RMRP: variants seen among roughly 807,000 people sequenced by gnomAD.
RMRP encodes the protein RNA component of mitochondrial RNA processing endoribonuclease, also known as RNase MRP RNA.
rs552002151 is a variant in RMRP at position 35,658,013 on chromosome 9, C to G, written n.5G>C. 2 of 691,520 alleles carry G rather than the reference C, an allele frequency of 2.9e-6. No homozygotes were observed. Among genetic ancestry groups the G allele is most frequent in the South Asian group, 1.5e-5 (1 of 67,226 alleles). 42.8% of individuals were successfully genotyped at this position (691,520 alleles called of 1,614,324 possible). On this transcript the variant is annotated non_coding_transcript_exon_variant, in exon 1 of 1. Transcript: ENST00000363046. ...TAGCCTAGGATACAGGCCTTCAGCA[C>G]GAACCACGTCCTCAGCTTCACAGAG...
rs1278840803 is a variant in RMRP, at chr9:35,657,867, C to T, written n.151G>A. 2 of 700,348 alleles carry T rather than the reference C, an allele frequency of 2.9e-6. No individual in the cohort carries two copies. Among genetic ancestry groups the T allele is most frequent in the Admixed American group, 2.0e-5 (1 of 49,988 alleles). 43.4% of individuals were successfully genotyped at this position (700,348 alleles called of 1,614,324 possible). ...CCACGCCGCTCAGCGGGATACGCTT[C>T]TTGGCGGACTTTGGAGTGGGAAGCG... On this transcript the variant is annotated non_coding_transcript_exon_variant, in exon 1 of 1. Coordinates refer to ENST00000363046, the Ensembl canonical transcript of RMRP.
rs780392182 is a variant in RMRP at position 35,657,986 on chromosome 9, T to C, written n.32A>G. 13 of 700,268 alleles carry C rather than the reference T, an allele frequency of 1.9e-5. No individual in the cohort carries two copies. The highest frequency in any genetic ancestry group is 1.2e-4 in the South Asian group (8 of 67,514). 43.4% of individuals were successfully genotyped at this position (700,268 alleles called of 1,614,324 possible). A position where few individuals can be genotyped will look rare whatever the true frequency, so the allele number is the denominator to read the frequency against. On this transcript the variant is annotated non_coding_transcript_exon_variant, in exon 1 of 1. Coordinates refer to ENST00000363046, the Ensembl canonical transcript of RMRP. ...AAGGGGAGGAACAGAGTCCTCAGTG[T>C]GTAGCCTAGGATACAGGCCTTCAGC...
exon 1 of RMRP, chr9:35,657,895 G>A (rs758130879): frequency 1.1e-5 from 8 of 697,740 alleles, no homozygotes; most frequent in South Asian, 4.4e-5. Flanking sequence ...GGGAAGCGGG[G>A]AATGTCTACG....
rs991322091 is a variant in RMRP at position 35,657,934 on chromosome 9, A to C, written n.84T>G. ...GTATGCACGTGGCACTCTCTGCCCG[A>C]GGTCCGGGGACTTTCCCCTAGGCGG... On this transcript the variant is annotated non_coding_transcript_exon_variant, in exon 1 of 1. Transcript: ENST00000363046. 4.4e-5 allele frequency: 31 copies of C among 700,436 alleles called. No homozygotes were observed. Among genetic ancestry groups the C allele is most frequent in the Non-Finnish European group, 7.5e-5 (29 of 384,808 alleles). The allele number at this position is 700,436 out of a possible 1,614,324, so 43.4% of individuals were successfully genotyped here. A position where few individuals can be genotyped will look rare whatever the true frequency, so the allele number is the denominator to read the frequency against.
Position 35,657,903 on chromosome 9 carries a change from A to G in RMRP, n.115T>C, listed in dbSNP as rs1437035543. ...TTGGAGTGGGAAGCGGGGAATGTCT[A>G]CGTGCGTATGCACGTGGCACTCTCT... On this transcript the variant is annotated non_coding_transcript_exon_variant, in exon 1 of 1. Transcript: ENST00000363046. 8.6e-6 allele frequency: 6 copies of G among 698,918 alleles called. No homozygotes were observed. Among genetic ancestry groups the G allele is most frequent in the South Asian group, 3.0e-5 (2 of 67,512 alleles). 43.3% of individuals were successfully genotyped at this position (698,918 alleles called of 1,614,324 possible).
At chr9:35,658,001 A>C in exon 1 of RMRP, 2 of 696,692 alleles carry the variant, frequency 2.9e-6, no homozygotes, top group South Asian at 1.5e-5. Context: ...CCTAGGATAC[A>C]GGCCTTCAGC....
Position 35,657,963 on chromosome 9 carries a change from G to T in RMRP, n.55C>A, listed in dbSNP as rs999349961. The T allele has an allele frequency of 8.6e-6, 6 of 700,170 alleles. No homozygotes were observed. The highest frequency in any genetic ancestry group is 1.3e-5 in the Non-Finnish European group (5 of 384,822). 43.4% of individuals were successfully genotyped at this position (700,170 alleles called of 1,614,324 possible). On this transcript the variant is annotated non_coding_transcript_exon_variant, in exon 1 of 1. Transcript: ENST00000363046. The stretch of plus-strand genomic sequence containing the variant: ...CCGGGGACTTTCCCCTAGGCGGAAA[G>T]GGGAGGAACAGAGTCCTCAGTGTGT...
Position 35,657,841 on chromosome 9 carries a change from G to A in RMRP, n.177C>T, listed in dbSNP as rs7021642. On this transcript the variant is annotated non_coding_transcript_exon_variant, in exon 1 of 1. Transcript: ENST00000363046. ...GGGAGCTGACGGATGACGCCCCCGCGCCACGCCGCTCAGCGGGATACGCTT... is the reference window on the plus strand; with the variant it reads ...GGGAGCTGACGGATGACGCCCCCGCACCACGCCGCTCAGCGGGATACGCTT... 93,720 of 700,336 alleles carry A rather than the reference G, an allele frequency of 0.13. 7,730 individuals are homozygous for A. Among genetic ancestry groups the A allele is most frequent in the African/African-American group, 0.31 (17,561 of 57,252 alleles). The allele number at this position is 700,336 out of a possible 1,614,324, so 43.4% of individuals were successfully genotyped here. A position where few individuals can be genotyped will look rare whatever the true frequency, so the allele number is the denominator to read the frequency against.
In RMRP at chr9:35,658,013, C is replaced by CGAACCACGTCCTCAGCTTCACAGAGTAG. The variant is rs1554651349; in HGVS notation, n.4_5insCTACTCTGTGAAGCTGAGGACGTGGTTC. ...TAGCCTAGGATACAGGCCTTCAGCACGAACCACGTCCTCAGCTTCACAGAG... is the reference window on the plus strand; with the variant it reads ...TAGCCTAGGATACAGGCCTTCAGCACGAACCACGTCCTCAGCTTCACAGAGTAGGAACCACGTCCTCAGCTTCACAGAG... On this transcript the variant is annotated non_coding_transcript_exon_variant, in exon 1 of 1. Coordinates refer to ENST00000363046, the Ensembl canonical transcript of RMRP. 1.4e-6 allele frequency: 1 copy of CGAACCACGTCCTCAGCTTCACAGAGTAG among 691,520 alleles called. No homozygotes were observed. The highest frequency in any genetic ancestry group is 1.5e-5 in the South Asian group (1 of 67,226). 42.8% of individuals were successfully genotyped at this position (691,520 alleles called of 1,614,324 possible). A position where few individuals can be genotyped will look rare whatever the true frequency, so the allele number is the denominator to read the frequency against.
At chr9:35,658,017 C>CCACG (rs1554651381), upstream of RMRP, 6 of 690,272 alleles carry the variant, frequency 8.7e-6, no homozygotes, top group Non-Finnish European at 1.6e-5. Context: ...TCAGCACGAA[C>CCACG]CACGTCCTCA....
rs907490025 is a variant in RMRP at position 35,657,829 on chromosome 9, T to C, written n.189A>G. On this transcript the variant is annotated non_coding_transcript_exon_variant, in exon 1 of 1. Transcript: ENST00000363046. Reference sequence around the variant, plus strand: ...TGCGTAACTAGAGGGAGCTGACGGATGACGCCCCCGCGCCACGCCGCTCAG... The same window carrying C: ...TGCGTAACTAGAGGGAGCTGACGGACGACGCCCCCGCGCCACGCCGCTCAG... 1.0e-5 allele frequency: 7 copies of C among 693,026 alleles called. 1 individual carries two copies. The Middle Eastern group carries it at 1.1e-3, about 108-fold the overall frequency. 42.9% of individuals were successfully genotyped at this position (693,026 alleles called of 1,614,324 possible). A position where few individuals can be genotyped will look rare whatever the true frequency, so the allele number is the denominator to read the frequency against.
At position 35,658,015 on chromosome 9, in the gene RMRP, A is replaced by AACCACGTCCC. The variant is rs759665242; in HGVS notation, n.2_3insGGGACGTGGT. The AACCACGTCCC allele has an allele frequency of 2.9e-6, 2 of 690,820 alleles. No individual in the cohort carries two copies. The highest frequency in any genetic ancestry group is 3.5e-5 in the African/African-American group (2 of 56,966). The allele number at this position is 690,820 out of a possible 1,614,324, so 42.8% of individuals were successfully genotyped here. A position where few individuals can be genotyped will look rare whatever the true frequency, so the allele number is the denominator to read the frequency against. On this transcript the variant is annotated non_coding_transcript_exon_variant, in exon 1 of 1. Transcript: ENST00000363046. Reference sequence around the variant, plus strand: ...GCCTAGGATACAGGCCTTCAGCACGAACCACGTCCTCAGCTTCACAGAGTA... The same window carrying AACCACGTCCC: ...GCCTAGGATACAGGCCTTCAGCACGAACCACGTCCCACCACGTCCTCAGCTTCACAGAGTA...
rs773432147 is a variant in RMRP at position 35,657,822 on chromosome 9, T to G, written n.196A>C. 5 of 692,774 alleles carry G rather than the reference T, an allele frequency of 7.2e-6. No homozygotes were observed. Among genetic ancestry groups the G allele is most frequent in the Admixed American group, 4.0e-5 (2 of 49,564 alleles). The allele number at this position is 692,774 out of a possible 1,614,324, so 42.9% of individuals were successfully genotyped here. ...CACTGCCTGCGTAACTAGAGGGAGC[T>G]GACGGATGACGCCCCCGCGCCACGC... On this transcript the variant is annotated non_coding_transcript_exon_variant, in exon 1 of 1. Transcript: ENST00000363046.
At chr9:35,657,851 TC>T in exon 1 of RMRP, 1 of 700,442 alleles carries the variant, frequency 1.4e-6, no homozygotes, top group Non-Finnish European at 2.6e-6. Context: ...GCCACGCCGC[TC>T]AGCGGGATAC....
chr9:35,657,928 T>C lies in RMRP; in HGVS notation n.90A>G, dbSNP rs752723025. 10 of 700,462 alleles carry C rather than the reference T, an allele frequency of 1.4e-5. No individual in the cohort carries two copies. The highest frequency in any genetic ancestry group is 3.5e-5 in the African/African-American group (2 of 57,332). The allele number at this position is 700,462 out of a possible 1,614,324, so 43.4% of individuals were successfully genotyped here. ...ACGTGCGTATGCACGTGGCACTCTC[T>C]GCCCGAGGTCCGGGGACTTTCCCCT... On this transcript the variant is annotated non_coding_transcript_exon_variant, in exon 1 of 1. Coordinates refer to ENST00000363046, the Ensembl canonical transcript of RMRP.
rs771464779 is a variant in RMRP, at chr9:35,657,782, T to G, written n.236A>C. 4.3e-6 allele frequency: 3 copies of G among 697,184 alleles called. No individual in the cohort carries two copies. The highest frequency in any genetic ancestry group is 1.5e-5 in the South Asian group (1 of 67,460). 43.2% of individuals were successfully genotyped at this position (697,184 alleles called of 1,614,324 possible). A position where few individuals can be genotyped will look rare whatever the true frequency, so the allele number is the denominator to read the frequency against. On this transcript the variant is annotated non_coding_transcript_exon_variant, in exon 1 of 1. Coordinates refer to ENST00000363046, the Ensembl canonical transcript of RMRP. ...GCGCTGAGAATGAGCCCCGTGTGGTTGGTGCGCGGACACGCACTGCCTGCG... is the reference window on the plus strand; with the variant it reads ...GCGCTGAGAATGAGCCCCGTGTGGTGGGTGCGCGGACACGCACTGCCTGCG...
exon 1 of RMRP, chr9:35,657,925 C>G (rs767355005): frequency 2.9e-6 from 2 of 700,460 alleles, no homozygotes; most frequent in Non-Finnish European, 5.2e-6. Flanking sequence ...ACGTGGCACT[C>G]TCTGCCCGAG....
At position 35,657,768 on chromosome 9, in the gene RMRP, G is replaced by A. The variant is rs769854200; in HGVS notation, n.250C>T. The A allele has an allele frequency of 1.9e-5, 13 of 693,112 alleles. No homozygotes were observed. The highest frequency in any genetic ancestry group is 1.0e-4 in the South Asian group (7 of 67,328). 42.9% of individuals were successfully genotyped at this position (693,112 alleles called of 1,614,324 possible). A position where few individuals can be genotyped will look rare whatever the true frequency, so the allele number is the denominator to read the frequency against. The stretch of plus-strand genomic sequence containing the variant: ...AACAAAAAACAGCCGCGCTGAGAAT[G>A]AGCCCCGTGTGGTTGGTGCGCGGAC... On this transcript the variant is annotated non_coding_transcript_exon_variant, in exon 1 of 1. Coordinates refer to ENST00000363046, the Ensembl canonical transcript of RMRP.
At chr9:35,657,985 G>GA in exon 1 of RMRP, 1 of 700,410 alleles carries the variant, frequency 1.4e-6, no homozygotes, top group Non-Finnish European at 2.6e-6. Context: ...AGTCCTCAGT[G>GA]TGTAGCCTAG....
Sources: gnomAD v4.1 joint callset for allele counts on GRCh38, gnomAD v4.1.1 for gene constraint, MANE v1.5 for transcripts, NCBI Gene and HGNC (gene_info 2026-07-23, HGNC 2026-07-21) for gene names.